Variants in LRRIQ3 observed in about 807,000 individuals in gnomAD.
LRRIQ3 encodes leucine-rich repeat and IQ domain-containing protein 3.
A neutral mutation model predicts 59.3 loss-of-function variants in LRRIQ3; 75 were observed. The ratio of observed to expected loss-of-function variants is 1.26; its 90% confidence interval spans 1.05 to 1.53. The LOEUF is 1.53. Among genes scored for constraint, LRRIQ3 ranks in the 40% most tolerant of loss-of-function variants. The pLI is 0.00. For missense variants in LRRIQ3, 831 were observed against 710.0 expected (o/e 1.17, Z -1.94); for synonymous variants, 250 against 231.3 (o/e 1.08, Z -0.73).
chr1:74,187,302 A>C (rs888703662), intron 1 of LRRIQ3, among the ~76,000 whole-genome samples: 1 of 151,872 alleles, frequency 6.6e-6, no homozygotes, highest in Non-Finnish European at 1.5e-5. Context: ...TAATTAGTGG[A>C]TTAAAAAAAT....
chr1:74,151,011 C>CTTTTTTTT, intron 4 of LRRIQ3, among the ~76,000 whole-genome samples: 1 of 63,414 alleles, frequency 1.6e-5, no homozygotes, highest in East Asian at 5.8e-4. Flanking sequence ...ATGATGCTTT[C>CTTTTTTTT]TTTTTTTTTT....
At chr1:74,120,354 G>A (rs947127637) in intron 4 of LRRIQ3, among the ~76,000 whole-genome samples, 2 of 151,932 alleles carry the variant, frequency 1.3e-5, no homozygotes, top group African/African-American at 4.8e-5. Context: ...TTGACCTTGT[G>A]ATCCGCCCAC....
At chr1:74,110,177 A>G (rs895649018) in intron 4 of LRRIQ3, among the ~76,000 whole-genome samples, 35 of 151,972 alleles carry the variant, frequency 2.3e-4, no homozygotes, top group African/African-American at 8.4e-4. Context: ...TCAATGGTCA[A>G]AAACTACATG....
chr1:74,099,150 G>A (rs1646493314), intron 5 of LRRIQ3, among the ~76,000 whole-genome samples: 1 of 152,172 alleles, frequency 6.6e-6, no homozygotes, highest in Middle Eastern at 3.4e-3. Context: ...AAAATTGATA[G>A]ACCACTAGCA....
At chr1:74,079,847 G>A (rs1218863449) in intron 5 of LRRIQ3, among the ~76,000 whole-genome samples, 1 of 151,818 alleles carries the variant, frequency 6.6e-6, no homozygotes, top group African/African-American at 2.4e-5. Context: ...TAAAAGAAAC[G>A]TATAGCTTGT....
intron 3 of LRRIQ3, among the ~76,000 whole-genome samples, chr1:74,176,158 T>C (rs183741617): frequency 2.6e-5 from 4 of 152,290 alleles, no homozygotes; most frequent in Non-Finnish European, 5.9e-5. Flanking sequence ...ATGCTAGTAA[T>C]AGATTCTCTT....
At chr1:74,184,727 G>A (rs1650244618) in intron 1 of LRRIQ3, among the ~76,000 whole-genome samples, 1 of 152,132 alleles carries the variant, frequency 6.6e-6, no homozygotes, top group Admixed American at 6.5e-5. Context: ...TAGGAATAAT[G>A]TTAACAGGTG....
chr1:74,192,818 T>C (rs1650853951), intron 1 of LRRIQ3, among the ~76,000 whole-genome samples: 1 of 152,180 alleles, frequency 6.6e-6, no homozygotes, highest in Non-Finnish European at 1.5e-5. Flanking sequence ...ATTTATATTA[T>C]TCAGCTACAT....
intron 3 of LRRIQ3, among the ~76,000 whole-genome samples, chr1:74,177,711 G>C (rs1649731790): frequency 1.3e-5 from 2 of 151,332 alleles, no homozygotes; most frequent in Admixed American, 6.6e-5. Flanking sequence ...TAATGTTTTA[G>C]GGAATTAATA....
At chr1:74,115,225 T>C (rs1646762765) in intron 4 of LRRIQ3, among the ~76,000 whole-genome samples, 1 of 152,136 alleles carries the variant, frequency 6.6e-6, no homozygotes, top group Admixed American at 6.6e-5. Flanking sequence ...AAGGACCTAT[T>C]GATTAAAAAT....
At chr1:74,168,903 AT>A (rs1345314803) in intron 3 of LRRIQ3, among the ~76,000 whole-genome samples, 1 of 151,928 alleles carries the variant, frequency 6.6e-6, no homozygotes, top group East Asian at 1.9e-4. Flanking sequence ...TGTCATTTTT[AT>A]TTTCTTTTGT....
rs541367762 is a variant in LRRIQ3 at position 74,079,683 on chromosome 1, C to T, written c.868-4893G>A. Among the ~76,000 whole-genome samples, 5 of 151,756 alleles carry T rather than the reference C, an allele frequency of 3.3e-5. No homozygotes were observed. The South Asian group carries it at 1.0e-3, about 32-fold the overall frequency. On this transcript the variant is annotated intron_variant, in intron 5 of 7. Coordinates refer to ENST00000354431, the MANE Select transcript of LRRIQ3 (RefSeq NM_001105659.2). ...AATGCTGAGAATGTTCTCTGACACTCAATAAATACTCAATAATTATTCATT... is the reference window on the plus strand; with the variant it reads ...AATGCTGAGAATGTTCTCTGACACTTAATAAATACTCAATAATTATTCATT...
intron 6 of LRRIQ3, among the ~76,000 whole-genome samples, chr1:74,056,008 G>C (rs1394276309): frequency 1.3e-5 from 2 of 151,716 alleles, no homozygotes; most frequent in African/African-American, 4.8e-5. Flanking sequence ...AGCCGGGTGT[G>C]GTGGTGGGTG....
chr1:74,194,355 T>C (rs969806582), intron 1 of LRRIQ3, among the ~76,000 whole-genome samples: 3 of 152,288 alleles, frequency 2.0e-5, no homozygotes, highest in South Asian at 2.1e-4. Context: ...ACACAGAATA[T>C]AGTGCATTTA....
chr1:74,193,329 T>A (rs534891222), intron 1 of LRRIQ3, among the ~76,000 whole-genome samples: 1 of 152,230 alleles, frequency 6.6e-6, no homozygotes, highest in Admixed American at 6.5e-5. Flanking sequence ...TAAAAATAAA[T>A]CAGTACCATT....
At chr1:74,157,167 T>A (rs916102755) in intron 3 of LRRIQ3, among the ~76,000 whole-genome samples, 2 of 152,120 alleles carry the variant, frequency 1.3e-5, no homozygotes, top group South Asian at 4.1e-4. Flanking sequence ...TATTCGATAC[T>A]CTTCCAGTCC....
chr1:74,088,381 T>C (rs915382793), intron 5 of LRRIQ3, among the ~76,000 whole-genome samples: 1 of 152,090 alleles, frequency 6.6e-6, no homozygotes, highest in South Asian at 2.1e-4. Flanking sequence ...TAACAAACTA[T>C]ACCATTGAAG....
At chr1:74,197,060 C>T (rs1157397661) in intron 1 of LRRIQ3, among the ~76,000 whole-genome samples, 1 of 152,132 alleles carries the variant, frequency 6.6e-6, no homozygotes, top group African/African-American at 2.4e-5. Context: ...TCTGTATTTT[C>T]TAAATGTTCT....
intron 3 of LRRIQ3, among the ~76,000 whole-genome samples, chr1:74,176,919 A>G (rs1028994779): frequency 1.3e-5 from 2 of 152,032 alleles, no homozygotes; most frequent in African/African-American, 4.8e-5. Flanking sequence ...GCTTCACTTG[A>G]GTCTCAAAAA....
Sources: allele counts gnomAD v4.1 joint callset (sites outside exome capture counted in the v4.1 genomes callset), GRCh38; gene constraint gnomAD v4.1.1; transcripts MANE v1.5; gene names NCBI Gene and HGNC (gene_info 2026-07-23, HGNC 2026-07-21).